The following RTP2 variants were observed in gnomAD, a reference collection of about 807,000 sequenced individuals.
RTP2 encodes the protein receptor transporter protein 2.
Under a neutral mutation model 17.9 loss-of-function variants are expected in RTP2, and 12 were observed. The observed-to-expected ratio is 0.67, with a 90% CI of 0.43 to 1.09. The LOEUF (loss-of-function observed/expected upper bound fraction) is 1.09, where lower values mean the gene tolerates loss of function less well. Ranked by LOEUF, RTP2 falls within the 50% of genes least tolerant of loss-of-function variation. The pLI is 0.00. For missense variants in RTP2, 327 were observed against 295.7 expected (o/e 1.11, Z -0.78); for synonymous variants, 126 against 117.7 (o/e 1.07, Z -0.46).
At chr3:187,706,307 T>C (rs915255819), upstream of RTP2, among the ~76,000 whole-genome samples, 3 of 152,254 alleles carry the variant, frequency 2.0e-5, no homozygotes, top group Non-Finnish European at 4.4e-5. Context: ...CAGATCTTTA[T>C]ATTTCTCAGT....
upstream of RTP2, among the ~76,000 whole-genome samples, chr3:187,703,334 G>C (rs1000619301): frequency 6.6e-6 from 1 of 152,190 alleles, no homozygotes; most frequent in Non-Finnish European, 1.5e-5. Context: ...GAAGCTCTTG[G>C]TGTTGAGTTG....
chr3:187,704,672 G>T (rs772571609), upstream of RTP2, among the ~76,000 whole-genome samples: 1 of 152,148 alleles, frequency 6.6e-6, no homozygotes, highest in African/African-American at 2.4e-5. Flanking sequence ...CTGTGTCTCC[G>T]CAATTCAAAG....
At chr3:187,703,422 C>T (rs779869720), upstream of RTP2, among the ~76,000 whole-genome samples, 13 of 152,292 alleles carry the variant, frequency 8.5e-5, no homozygotes, top group South Asian at 2.1e-4. Context: ...GTTACTCTAG[C>T]GGCTTTGTGC....
upstream of RTP2, among the ~76,000 whole-genome samples, chr3:187,704,620 G>A (rs1373522675): frequency 6.6e-6 from 1 of 152,138 alleles, no homozygotes; most frequent in Non-Finnish European, 1.5e-5. Context: ...TCTTTACCAG[G>A]AAATAGATCC....
At chr3:187,702,462 T>G in exon 1 of RTP2, 1 of 486,950 alleles carries the variant, frequency 2.1e-6, no homozygotes, top group Non-Finnish European at 4.0e-6. Context: ...TTTCCAGAGG[T>G]CTCCAGGAGG....
the RTP2 span, among the ~76,000 whole-genome samples, chr3:187,708,967 TC>T: frequency 3.7e-5 from 3 of 80,588 alleles, no homozygotes; most frequent in Non-Finnish European, 9.3e-5. Context: ...GTTTTTTTTT[TC>T]CTTTTTTTTT....
At chr3:187,699,812 C>A (rs1215698244) in intron 1 of RTP2, among the ~76,000 whole-genome samples, 1 of 151,454 alleles carries the variant, frequency 6.6e-6, no homozygotes, top group Non-Finnish European at 1.5e-5. Flanking sequence ...CTTACATGCA[C>A]AGAGGCCACT....
At chr3:187,707,704 C>A in the RTP2 span, among the ~76,000 whole-genome samples, 4 of 152,166 alleles carry the variant, frequency 2.6e-5, no homozygotes, top group Admixed American at 2.6e-4. Flanking sequence ...ATTACTAAAT[C>A]GTTTTAGGCC....
upstream of RTP2, chr3:187,702,634 C>A (rs1717883880): frequency 2.2e-6 from 1 of 455,282 alleles, no homozygotes; most frequent in African/African-American, 2.0e-5. Context: ...GTGACCATCA[C>A]TTACCATGTG....
At chr3:187,710,928 G>A in the RTP2 span, among the ~76,000 whole-genome samples, 1 of 152,140 alleles carries the variant, frequency 6.6e-6, no homozygotes, top group African/African-American at 2.4e-5. Context: ...TTAGTACCCT[G>A]AGCATCAATT....
chr3:187,700,174 C>T (rs1322957469), intron 1 of RTP2, among the ~76,000 whole-genome samples: 1 of 152,212 alleles, frequency 6.6e-6, no homozygotes, highest in African/African-American at 2.4e-5. Flanking sequence ...CACCACTCAA[C>T]CCAGGCTATG....
At chr3:187,708,957 GT>G in the RTP2 span, among the ~76,000 whole-genome samples, 24,244 of 114,280 alleles carry the variant, frequency 0.21, 2,521 homozygotes, top group African/African-American at 0.33. Flanking sequence ...CCTAGGCCCA[GT>G]TTTTTTTTTC....
At chr3:187,706,412 A>T (rs993908873), upstream of RTP2, among the ~76,000 whole-genome samples, 3 of 152,358 alleles carry the variant, frequency 2.0e-5, no homozygotes, top group Middle Eastern at 3.4e-3. Flanking sequence ...AAAGCTTGGG[A>T]AGAGAGAATT....
the RTP2 span, among the ~76,000 whole-genome samples, chr3:187,711,541 T>C: frequency 1.4e-4 from 22 of 152,378 alleles, no homozygotes; most frequent in Admixed American, 1.2e-3. Flanking sequence ...GAGAATGTGG[T>C]CTGTATGGCA....
intron 1 of RTP2, 142 bp from the exon 2 acceptor site, chr3:187,699,153 C>T: frequency 9.5e-7 from 1 of 1,057,094 alleles, no homozygotes; most frequent in Non-Finnish European, 1.3e-6. Context: ...TTCATTAGCA[C>T]TCCAAGGCCG....
the RTP2 span, among the ~76,000 whole-genome samples, chr3:187,711,312 G>A: frequency 6.6e-6 from 1 of 152,198 alleles, no homozygotes; most frequent in African/African-American, 2.4e-5. Flanking sequence ...GGCAGAGATA[G>A]TCTTACCTTT....
chr3:187,710,695 C>T, the RTP2 span, among the ~76,000 whole-genome samples: 1 of 152,002 alleles, frequency 6.6e-6, no homozygotes, highest in African/African-American at 2.4e-5. Context: ...TTTCTCTGGA[C>T]AACCCGGATT....
the RTP2 span, among the ~76,000 whole-genome samples, chr3:187,710,203 A>C: frequency 6.6e-6 from 1 of 152,012 alleles, no homozygotes; most frequent in African/African-American, 2.4e-5. Context: ...CCTGATTCTC[A>C]GGCCTTGAGA....
intron 1 of RTP2, among the ~76,000 whole-genome samples, chr3:187,699,544 T>C (rs924544512): frequency 2.2e-4 from 33 of 152,228 alleles, no homozygotes; most frequent in African/African-American, 7.0e-4. Context: ...AGTAAACCAC[T>C]GAGAATGATG....
Sources: gnomAD v4.1 joint callset for allele counts (sites outside exome capture counted in the v4.1 genomes callset) on GRCh38, gnomAD v4.1.1 for gene constraint, MANE v1.5 for transcripts, NCBI Gene and HGNC (gene_info 2026-07-23, HGNC 2026-07-21) for gene names.